Variants in POLK observed in about 807,000 individuals in gnomAD.
POLK encodes polymerase (DNA directed) kappa.
A neutral mutation model predicts 94.0 loss-of-function variants in POLK; 76 were observed. The observed-to-expected ratio is 0.81, with a 90% confidence interval of 0.67 to 0.98. The LOEUF is 0.98. Ranked by LOEUF, POLK falls within the 50% of genes least tolerant of loss-of-function variation. POLK has a pLI of 0.00. For missense variants in POLK, 954 were observed against 1,010.1 expected (o/e 0.94, Z 0.75); for synonymous variants, 349 against 325.4 (o/e 1.07, Z -0.78).
At chr5:75,529,618 T>C (rs1769044856) in intron 1 of POLK, among the ~76,000 whole-genome samples, 1 of 152,142 alleles carries the variant, frequency 6.6e-6, no homozygotes, top group Admixed American at 6.5e-5. Context: ...GAAAATTGTC[T>C]GTACATGTTC....
upstream of POLK, chr5:75,511,552 G>A (rs553735313): frequency 1.6e-5 from 23 of 1,458,508 alleles, no homozygotes; most frequent in South Asian, 2.0e-4. Context: ...AAGAAGGGAA[G>A]AGAAAATCCG....
chr5:75,556,203 A>C (rs138754357), intron 3 of POLK, among the ~76,000 whole-genome samples: 1 of 152,282 alleles, frequency 6.6e-6, no homozygotes. Flanking sequence ...AATTTTGGCT[A>C]TTCTAATATG....
rs780890940 is a variant in POLK, at chr5:75,597,992, C to A, written c.2587C>A (p.His863Asn). 8 of 1,422,238 alleles carry A rather than the reference C, an allele frequency of 5.6e-6. No individual in the cohort carries two copies. In the South Asian group the frequency reaches 9.4e-5, roughly 17 times the overall value. The allele number at this position is 1,422,238 out of a possible 1,614,324, so 88.1% of individuals were successfully genotyped here. ...GAAAATAAAACCAAACAATCCCAAA[C>A]ATACCCTTGATATATTTTTTAAGTA... Residue 863 changes from histidine to asparagine, a missense_variant, in exon 15 of 15, where the codon CAT (histidine) becomes AAT (asparagine). Coordinates refer to ENST00000241436, the Ensembl canonical transcript of POLK.
chr5:75,516,275 G>C (rs781515877), intron 1 of POLK, among the ~76,000 whole-genome samples: 4 of 152,048 alleles, frequency 2.6e-5, no homozygotes, highest in Non-Finnish European at 5.9e-5. Flanking sequence ...GTGCTTTTGT[G>C]GTCTTACACA....
At chr5:75,539,064 G>A (rs1031597250) in intron 1 of POLK, among the ~76,000 whole-genome samples, 1 of 152,154 alleles carries the variant, frequency 6.6e-6, no homozygotes, top group Non-Finnish European at 1.5e-5. Flanking sequence ...GAGCCACCGT[G>A]CCCGGCCGTT....
chr5:75,587,088 G>T, intron 10 of POLK, 30 bp downstream of exon 10: 1 of 1,219,822 alleles, frequency 8.2e-7, no homozygotes. Context: ...TGTTAATTGT[G>T]CATAATTCAT....
chr5:75,512,392 T>G (rs188830114), intron 1 of POLK: 1 of 152,354 alleles, frequency 6.6e-6, no homozygotes, highest in Non-Finnish European at 1.5e-5. Context: ...AGAAAGGTTT[T>G]TAAAGTAAAA....
chr5:75,572,879 A>T (rs977873473), intron 4 of POLK, among the ~76,000 whole-genome samples: 1 of 152,128 alleles, frequency 6.6e-6, no homozygotes, highest in Non-Finnish European at 1.5e-5. Flanking sequence ...GCTGGAGAGG[A>T]TGTGGAGAAA....
chr5:75,586,754 TCAG>T (rs1213982728), intron 9 of POLK, among the ~76,000 whole-genome samples: 4 of 148,146 alleles, frequency 2.7e-5, no homozygotes, highest in Non-Finnish European at 4.4e-5. Flanking sequence ...TTTTTGATAG[TCAG>T]GTTTTTAATA....
intron 9 of POLK, among the ~76,000 whole-genome samples, chr5:75,586,332 T>C (rs1430166630): frequency 6.6e-6 from 1 of 152,210 alleles, no homozygotes; most frequent in Non-Finnish European, 1.5e-5. Context: ...TCTGTCTTTC[T>C]CCAATATATA....
intron 1 of POLK, among the ~76,000 whole-genome samples, chr5:75,525,662 T>C (rs537676404): frequency 1.8e-4 from 28 of 152,078 alleles, no homozygotes; most frequent in Non-Finnish European, 3.4e-4. Flanking sequence ...TAGGAAAACA[T>C]ACATAGAGGA....
At chr5:75,574,745 G>A (rs528894528) in intron 5 of POLK, among the ~76,000 whole-genome samples, 1 of 152,076 alleles carries the variant, frequency 6.6e-6, no homozygotes, top group East Asian at 1.9e-4. Context: ...TTCTGTCCAA[G>A]GCAGTCTGTG....
At chr5:75,576,812 T>C in exon 6 of POLK, 1 of 1,527,430 alleles carries the variant, frequency 6.5e-7, no homozygotes, top group Non-Finnish European at 8.8e-7. Flanking sequence ...ATGATCCCAA[T>C]TTTATGGCCA....
intron 3 of POLK, among the ~76,000 whole-genome samples, chr5:75,554,945 G>C (rs1770539223): frequency 6.6e-6 from 1 of 152,092 alleles, no homozygotes; most frequent in South Asian, 2.1e-4. Context: ...TTGCTGTTGT[G>C]AATAGTGCTG....
chr5:75,589,388 T>TACACACACACACAC (rs71600465), intron 10 of POLK, among the ~76,000 whole-genome samples: 1,582 of 128,176 alleles, frequency 0.012, 35 homozygotes, highest in Admixed American at 0.014. Context: ...TATACACACA[T>TACACACACACACAC]ACACACACAC....
chr5:75,511,485 C>A (rs750389999), upstream of POLK: 504 of 1,502,694 alleles, frequency 3.4e-4, 5 homozygotes, highest in Admixed American at 6.7e-5. Context: ...GCGCCCGGCG[C>A]TGCCACCCGA....
chr5:75,593,982 T>A (rs751854193), exon 12 of POLK: 4 of 1,612,124 alleles, frequency 2.5e-6, no homozygotes, highest in Non-Finnish European at 3.4e-6. Flanking sequence ...TATTTGCCAT[T>A]GCTAAGGAAT....
chr5:75,542,554 A>G (rs1395348567), intron 1 of POLK, among the ~76,000 whole-genome samples: 1 of 151,746 alleles, frequency 6.6e-6, no homozygotes, highest in Admixed American at 6.6e-5. Flanking sequence ...ACCACCAAAA[A>G]CAAAAGTTTG....
intron 12 of POLK, among the ~76,000 whole-genome samples, chr5:75,595,586 G>A (rs946790857): frequency 1.3e-5 from 2 of 152,282 alleles, no homozygotes; most frequent in Non-Finnish European, 2.9e-5. Context: ...AGAGGGGCAG[G>A]AGGTATAAAT....
Sources: gnomAD v4.1 joint callset for allele counts (sites outside exome capture counted in the v4.1 genomes callset) on GRCh38, gnomAD v4.1.1 for gene constraint, MANE v1.5 for transcripts, NCBI Gene and HGNC (gene_info 2026-07-23, HGNC 2026-07-21) for gene names.